The following DNAJC10 variants were observed in gnomAD, a reference collection of about 807,000 sequenced individuals.
The protein encoded by DNAJC10 is endoplasmic reticulum disulfide reductase DNAJC10.
In DNAJC10, 101 loss-of-function variants were observed where a neutral mutation model predicts 115.0. The observed-to-expected ratio is 0.88, with a 90% CI of 0.75 to 1.04. DNAJC10 has a LOEUF of 1.04. Among genes scored for constraint, DNAJC10 ranks in the 50% least tolerant of loss-of-function variants. The pLI, the probability that DNAJC10 is intolerant of heterozygous loss-of-function variation, is 0.00. For missense variants in DNAJC10, 981 were observed against 928.8 expected, an observed-to-expected ratio of 1.06 and a Z score of -0.73; for synonymous variants, 307 against 301.5, an observed-to-expected ratio of 1.02 and a Z score of -0.19.
At chr2:182,744,332 C>T (rs1191507985) in intron 14 of DNAJC10, among the ~76,000 whole-genome samples, 1 of 152,072 alleles carries the variant, frequency 6.6e-6, no homozygotes, top group Non-Finnish European at 1.5e-5. Context: ...CCTAGCACTG[C>T]TTTCAATGTT....
rs1384468430 is a variant in DNAJC10 at position 182,777,774 on chromosome 2, C to A, written c.*642C>A. On this transcript the variant is annotated 3_prime_UTR_variant, in exon 24 of 24. Transcript: ENST00000264065. ...TTATGAGGAGATTCTTCATTGTTTT[C>A]TTTCCTTCTCAAAGGTTGAAAAAAT... is the stretch of plus-strand genomic sequence containing the variant. The A allele has an allele frequency of 3.9e-5, 6 of 152,158 alleles. No homozygotes were observed. Among genetic ancestry groups the A allele is most frequent in the African/African-American group, 9.6e-5 (4 of 41,454 alleles). 9.4% of individuals were successfully genotyped at this position (152,158 alleles called of 1,614,324 possible).
chr2:182,773,532 ACTCTTTTTTT>A (rs1157417154), intron 22 of DNAJC10, among the ~76,000 whole-genome samples: 1 of 150,862 alleles, frequency 6.6e-6, no homozygotes, highest in Non-Finnish European at 1.5e-5. Context: ...ATTTCTTTTT[ACTCTTTTTTT>A]CTCTAACTTT....
intron 22 of DNAJC10, among the ~76,000 whole-genome samples, chr2:182,764,273 C>G (rs1438027469): frequency 6.6e-6 from 1 of 152,116 alleles, no homozygotes; most frequent in Non-Finnish European, 1.5e-5. Context: ...TTTACCTATT[C>G]CTGAAATTCA....
chr2:182,771,080 T>G (rs551160380), intron 22 of DNAJC10, among the ~76,000 whole-genome samples: 1 of 152,192 alleles, frequency 6.6e-6, no homozygotes, highest in Non-Finnish European at 1.5e-5. Context: ...GTTTTTGTCT[T>G]TGGTTCTGTT....
chr2:182,764,250 A>G (rs1442622390), intron 22 of DNAJC10, among the ~76,000 whole-genome samples: 1 of 152,112 alleles, frequency 6.6e-6, no homozygotes, highest in African/African-American at 2.4e-5. Context: ...GAGACAAAAT[A>G]GTTTTATCAA....
rs1694677832 is a variant in DNAJC10, at chr2:182,775,342, T to C, written c.2292T>C (p.Asn764=). 1 of 1,611,634 alleles carries C rather than the reference T, an allele frequency of 6.2e-7. No individual in the cohort carries two copies. Among genetic ancestry groups the C allele is most frequent in the Non-Finnish European group, 8.5e-7 (1 of 1,178,292 alleles). Residue 764 remains asparagine (N), a synonymous_variant, in exon 23 of 24, where the codon AAT becomes AAC. Transcript: ENST00000264065. ...AKRNFQEEQI[N]TRDAKAIAAL... ...GAAATTTTCAAGAAGAGCAGATAAA[T>C]ACCAGAGATGCAAAAGCAATCGCTG...
At chr2:182,737,985 G>T (rs1003725441) in intron 11 of DNAJC10, among the ~76,000 whole-genome samples, 1 of 152,098 alleles carries the variant, frequency 6.6e-6, no homozygotes, top group Non-Finnish European at 1.5e-5. Context: ...TTGTAATCTA[G>T]TTTTTTCACT....
In DNAJC10 at chr2:182,775,211, GT is replaced by G. The variant is rs1694674158; in HGVS notation, c.2266-101del. ...TAAATTTGAATTTCAAACACTTCAA[GT>G]TTTGGAACAAAAGAACTTGAAAGCA... On this transcript the variant is annotated intron_variant, in intron 22 of 23. Coordinates refer to ENST00000264065, the MANE Select transcript of DNAJC10 (RefSeq NM_018981.4). The G allele has an allele frequency of 1.2e-5, 9 of 748,604 alleles. No individual in the cohort carries two copies. In the South Asian group the frequency reaches 1.7e-4, roughly 14 times the overall value. The allele number at this position is 748,604 out of a possible 1,614,324, so 46.4% of individuals were successfully genotyped here. A position where few individuals can be genotyped will look rare whatever the true frequency, so the allele number is the denominator to read the frequency against.
At chr2:182,754,223 C>T (rs1332085861) in intron 16 of DNAJC10, among the ~76,000 whole-genome samples, 5 of 152,126 alleles carry the variant, frequency 3.3e-5, no homozygotes, top group Admixed American at 6.5e-5. Flanking sequence ...TTTGAATTTG[C>T]ACACATTTTT....
In DNAJC10 at chr2:182,787,610, G is replaced by A. The variant is rs1018524697; in HGVS notation, c.*10478G>A. 1.3e-5 allele frequency: 2 copies of A among 152,216 alleles called. No individual in the cohort carries two copies. Among genetic ancestry groups the A allele is most frequent in the Non-Finnish European group, 2.9e-5 (2 of 68,100 alleles). 9.4% of individuals were successfully genotyped at this position (152,216 alleles called of 1,614,324 possible). ...ATTTAGTCAAAATAGGCATGGGAATGAAAGTGAGACTTAGAGGCAAAGAAT... is the reference window on the plus strand; with the variant it reads ...ATTTAGTCAAAATAGGCATGGGAATAAAAGTGAGACTTAGAGGCAAAGAAT... On this transcript the variant is annotated 3_prime_UTR_variant, in exon 24 of 24. Coordinates refer to ENST00000264065, the MANE Select transcript of DNAJC10 (RefSeq NM_018981.4).
chr2:182,769,250 G>T (rs1278030458), intron 22 of DNAJC10, among the ~76,000 whole-genome samples: 1 of 152,040 alleles, frequency 6.6e-6, no homozygotes, highest in Admixed American at 6.6e-5. Context: ...GGTGGTTCCA[G>T]GTCTTTGCTA....
intron 14 of DNAJC10, among the ~76,000 whole-genome samples, chr2:182,746,806 A>G (rs1693880335): frequency 1.3e-5 from 2 of 151,968 alleles, no homozygotes; most frequent in Admixed American, 1.3e-4. Flanking sequence ...GTCCTTTCCC[A>G]TGCCTGTGTC....
chr2:182,741,325 T>G lies in DNAJC10; in HGVS notation c.1160T>G (p.Leu387Arg). The change falls in exon 13 of 24, where the codon CTA becomes CGA. Residue 387 changes from leucine (L) to arginine (R), a missense_variant. Physicochemically the swap from Leu to Arg is moderately radical, Grantham distance 102. Coordinates refer to ENST00000264065, the MANE Select transcript of DNAJC10 (RefSeq NM_018981.4). ...ENSNDPELKK[L>R]KTLLKNDHIQ... Reference sequence around the variant, plus strand: ...TCAAATGATCCTGAGCTGAAAAAACTAAAAACTCTACTTAAAAATGATCAT... The same window carrying G: ...TCAAATGATCCTGAGCTGAAAAAACGAAAAACTCTACTTAAAAATGATCAT... 1.3e-6 allele frequency: 2 copies of G among 1,586,690 alleles called. No homozygotes were observed. Among genetic ancestry groups the G allele is most frequent in the Non-Finnish European group, 8.6e-7 (1 of 1,163,664 alleles).
At chr2:182,776,190 G>A (rs1574962733) in intron 23 of DNAJC10, among the ~76,000 whole-genome samples, 1 of 151,694 alleles carries the variant, frequency 6.6e-6, no homozygotes, top group African/African-American at 2.4e-5. Flanking sequence ...TTGTTCAAAT[G>A]TAAATAAAGC....
intron 14 of DNAJC10, among the ~76,000 whole-genome samples, chr2:182,744,600 A>C (rs931900488): frequency 2.7e-4 from 41 of 152,140 alleles, no homozygotes; most frequent in Non-Finnish European, 1.2e-4. Context: ...TTGGGGTAAG[A>C]TAACCCTCAC....
intron 14 of DNAJC10, among the ~76,000 whole-genome samples, chr2:182,745,858 A>G (rs1020800610): frequency 6.6e-6 from 1 of 152,074 alleles, no homozygotes; most frequent in Non-Finnish European, 1.5e-5. Context: ...ATCGAGCATT[A>G]GGTATATCTC....
chr2:182,717,576 A>G (rs1235798894), intron 2 of DNAJC10, among the ~76,000 whole-genome samples: 1 of 152,216 alleles, frequency 6.6e-6, no homozygotes, highest in Non-Finnish European at 1.5e-5. Context: ...TTAGGAGGTA[A>G]AGAAGTAGCT....
In DNAJC10 at chr2:182,775,396, C is replaced by G; in HGVS notation, c.2346C>G (p.Leu782=). ...AALISEKLET[L]RNQGKRNKDE... Reference sequence around the variant, plus strand: ...TAATAAGTGAAAAATTGGAAACTCTCCGAAATCAAGGCAAGAGGAATAAGG... The same window carrying G: ...TAATAAGTGAAAAATTGGAAACTCTGCGAAATCAAGGCAAGAGGAATAAGG... Residue 782 remains leucine (L), a synonymous_variant, in exon 23 of 24, where the codon CTC becomes CTG. Coordinates refer to ENST00000264065, the MANE Select transcript of DNAJC10 (RefSeq NM_018981.4). 1.2e-6 allele frequency: 2 copies of G among 1,612,550 alleles called. No homozygotes were observed. Among genetic ancestry groups the G allele is most frequent in the African/African-American group, 1.3e-5 (1 of 74,944 alleles).
intron 22 of DNAJC10, among the ~76,000 whole-genome samples, chr2:182,765,244 A>G (rs895070578): frequency 6.6e-6 from 1 of 152,070 alleles, no homozygotes; most frequent in African/African-American, 2.4e-5. Flanking sequence ...AAAAAGGGGG[A>G]TTACTAGACA....
Sources: gnomAD v4.1 joint callset for allele counts (sites outside exome capture counted in the v4.1 genomes callset) on GRCh38, gnomAD v4.1.1 for gene constraint, MANE v1.5 for transcripts, NCBI Gene and HGNC (gene_info 2026-07-23, HGNC 2026-07-21) for gene names.